Variants in NHSL3 observed in about 807,000 individuals in gnomAD.
NHSL3 encodes NHS like 3, also known as NHS-like protein 3.
chr1:32,772,733 C>T, the NHSL3 span: 1 of 926,340 alleles, frequency 1.1e-6, no homozygotes, highest in South Asian at 1.4e-5. Context: ...GGGTGTCCAG[C>T]CCAGTGCTGC....
the NHSL3 span, chr1:32,767,680 A>T: frequency 1.1e-6 from 1 of 922,406 alleles, no homozygotes; most frequent in Non-Finnish European, 1.6e-6. Context: ...TGTATATGCA[A>T]TGGCCGTGTG....
chr1:32,748,517 G>C, the NHSL3 span, among the ~76,000 whole-genome samples: 2 of 152,232 alleles, frequency 1.3e-5, no homozygotes, highest in South Asian at 4.2e-4. Context: ...CTCCTGCCTG[G>C]AATGTGCTCC....
At chr1:32,748,882 G>A in the NHSL3 span, among the ~76,000 whole-genome samples, 1 of 152,210 alleles carries the variant, frequency 6.6e-6, no homozygotes. Context: ...TGGCTGCTCT[G>A]TCTCCCCCAG....
the NHSL3 span, chr1:32,769,067 G>A: frequency 3.1e-5 from 8 of 258,748 alleles, no homozygotes; most frequent in East Asian, 9.0e-5. Flanking sequence ...TGGCTAACAC[G>A]GTGAATGAAA....
At chr1:32,768,686 CCTT>C in the NHSL3 span, 10 of 1,614,050 alleles carry the variant, frequency 6.2e-6, no homozygotes, top group Non-Finnish European at 8.5e-6. Flanking sequence ...GACAACATCT[CCTT>C]CTGCAGTCAG....
the NHSL3 span, among the ~76,000 whole-genome samples, chr1:32,749,747 C>T: frequency 3.9e-5 from 6 of 152,084 alleles, 1 homozygote; most frequent in Non-Finnish European, 5.9e-5. Context: ...GGGCTCCTTC[C>T]AGCTCTCTCT....
At chr1:32,753,651 A>T in the NHSL3 span, among the ~76,000 whole-genome samples, 1 of 152,248 alleles carries the variant, frequency 6.6e-6, no homozygotes, top group South Asian at 2.1e-4. Context: ...AGTTCGATAC[A>T]TTTGTACACA....
At chr1:32,742,883 G>A in the NHSL3 span, among the ~76,000 whole-genome samples, 1 of 152,182 alleles carries the variant, frequency 6.6e-6, no homozygotes, top group African/African-American at 2.4e-5. Flanking sequence ...CTTACAGATG[G>A]GGGAAACTGA....
the NHSL3 span, chr1:32,771,437 C>T: frequency 1.4e-6 from 2 of 1,396,038 alleles, no homozygotes; most frequent in Non-Finnish European, 1.9e-6. Context: ...GTTGTGGAGG[C>T]ACCATCTGCC....
At chr1:32,762,670 ATC>A in the NHSL3 span, among the ~76,000 whole-genome samples, 2 of 151,910 alleles carry the variant, frequency 1.3e-5, no homozygotes, top group African/African-American at 4.8e-5. Flanking sequence ...GCTCACTGCA[ATC>A]TCTGCCTCCC....
At chr1:32,742,983 C>G in the NHSL3 span, among the ~76,000 whole-genome samples, 1 of 152,206 alleles carries the variant, frequency 6.6e-6, no homozygotes, top group Non-Finnish European at 1.5e-5. Context: ...ATTTGAGTCC[C>G]TGGGCTCCTC....
the NHSL3 span, chr1:32,772,841 G>A: frequency 3.7e-6 from 6 of 1,613,622 alleles, no homozygotes; most frequent in African/African-American, 1.3e-5. Context: ...CCCTTGCTAA[G>A]TGTCTCTTAT....
At chr1:32,746,599 C>G in the NHSL3 span, among the ~76,000 whole-genome samples, 1 of 152,052 alleles carries the variant, frequency 6.6e-6, no homozygotes, top group South Asian at 2.1e-4. Flanking sequence ...AGTAAGTAGC[C>G]CGAGGTCACT....
At chr1:32,770,624 G>C in the NHSL3 span, 1 of 1,516,898 alleles carries the variant, frequency 6.6e-7, no homozygotes, top group Non-Finnish European at 8.8e-7. The surrounding 1 kb of genome is among the most constrained non-coding windows in gnomAD (Gnocchi z 8.3). Context: ...CGGAGCAGTG[G>C]GCAGTTGTCT....
At chr1:32,768,943 G>T in the NHSL3 span, 1 of 860,520 alleles carries the variant, frequency 1.2e-6, no homozygotes, top group Non-Finnish European at 1.7e-6. Flanking sequence ...TAACTATAAA[G>T]CAGTTAAGAG....
chr1:32,753,970 G>A, the NHSL3 span: 1 of 355,952 alleles, frequency 2.8e-6, no homozygotes, highest in Non-Finnish European at 5.2e-6. Flanking sequence ...GTCGAGCTGG[G>A]GCTGGGGGCG....
At chr1:32,764,113 G>A in the NHSL3 span, among the ~76,000 whole-genome samples, 1 of 151,880 alleles carries the variant, frequency 6.6e-6, no homozygotes, top group East Asian at 1.9e-4. Flanking sequence ...TTCCTGCCTC[G>A]GCCTCCCATA....
the NHSL3 span, chr1:32,754,208 G>A: frequency 2.8e-6 from 2 of 708,812 alleles, no homozygotes; most frequent in South Asian, 3.0e-5. Flanking sequence ...GGCGGGGCAG[G>A]CAGGGAGGAG....
chr1:32,769,466 C>T, the NHSL3 span, among the ~76,000 whole-genome samples: 2 of 152,154 alleles, frequency 1.3e-5, no homozygotes, highest in South Asian at 2.1e-4. Context: ...AAATAGTAAG[C>T]TATCACTAAA....
Sources: gnomAD v4.1 joint callset for allele counts (sites outside exome capture counted in the v4.1 genomes callset) on GRCh38, gnomAD v4.1.1 for gene constraint, Gnocchi (gnomAD v3.1) non-coding constraint, MANE v1.5 for transcripts, NCBI Gene and HGNC (gene_info 2026-07-23, HGNC 2026-07-21) for gene names.